Variants in NKAIN3 observed in about 807,000 individuals in gnomAD.
NKAIN3 encodes sodium/potassium transporting ATPase interacting 3.
NKAIN3 carries 25 observed loss-of-function variants against 30.2 expected under a neutral mutation model. The observed-to-expected ratio is 0.83, with a 90% CI of 0.60 to 1.16. The LOEUF (loss-of-function observed/expected upper bound fraction) is 1.16. Among genes scored for constraint, NKAIN3 ranks in the 50% most tolerant of loss-of-function variants. The pLI is 0.00. For missense variants in NKAIN3, 225 were observed against 254.1 expected (o/e 0.89, Z 0.78); for synonymous variants, 91 against 89.6 (o/e 1.02, Z -0.09).
intron 1 of NKAIN3, among the ~76,000 whole-genome samples, chr8:62,400,823 T>G (rs896717925): frequency 1.3e-5 from 2 of 152,160 alleles, no homozygotes; most frequent in African/African-American, 4.8e-5. Flanking sequence ...TTGTTTTATT[T>G]CTCTTGTCAC....
chr8:62,678,911 G>A (rs1289383202), intron 3 of NKAIN3, among the ~76,000 whole-genome samples: 1 of 152,014 alleles, frequency 6.6e-6, no homozygotes, highest in Non-Finnish European at 1.5e-5. Flanking sequence ...GAATAAGGCT[G>A]GAACACAAAC....
chr8:62,812,227 A>G (rs533118258), intron 4 of NKAIN3, among the ~76,000 whole-genome samples: 1 of 151,952 alleles, frequency 6.6e-6, no homozygotes, highest in African/African-American at 2.4e-5. Context: ...CCACACTCTC[A>G]TAACTACAAC....
intron 5 of NKAIN3, among the ~76,000 whole-genome samples, chr8:62,924,375 A>AT (rs1429650748): frequency 6.6e-6 from 1 of 152,180 alleles, no homozygotes; most frequent in East Asian, 1.9e-4. Flanking sequence ...CACAACTGTA[A>AT]TTTTTTAAAG....
intron 1 of NKAIN3, among the ~76,000 whole-genome samples, chr8:62,316,016 G>A (rs1814612401): frequency 6.6e-6 from 1 of 152,132 alleles, no homozygotes; most frequent in South Asian, 2.1e-4. Flanking sequence ...ATGAGAGTGA[G>A]TGAGTTTTCA....
rs562908504 is a variant in NKAIN3, at chr8:62,819,017, G to T, written c.471+71888G>T. Among the ~76,000 whole-genome samples the T allele has an allele frequency of 4.0e-5, 6 of 151,614 alleles. No individual in the cohort carries two copies. The South Asian group carries it at 1.3e-3, about 32-fold the overall frequency. The stretch of plus-strand genomic sequence containing the variant: ...AAAAGACATTCATGGTATAATCAAA[G>T]AAATTTGAAAACAAATTGGATGGAT... On this transcript the variant is annotated intron_variant, in intron 4 of 6. Coordinates refer to ENST00000623646, the MANE Select transcript of NKAIN3 (RefSeq NM_001304533.3).
At chr8:62,768,119 C>A (rs1279233070) in intron 4 of NKAIN3, among the ~76,000 whole-genome samples, 2 of 152,104 alleles carry the variant, frequency 1.3e-5, no homozygotes, top group African/African-American at 2.4e-5. Context: ...GCAGGCGCAT[C>A]CATCATTGGA....
intron 4 of NKAIN3, among the ~76,000 whole-genome samples, chr8:62,782,065 T>C (rs1326317213): frequency 2.0e-5 from 3 of 151,746 alleles, no homozygotes; most frequent in African/African-American, 7.3e-5. Context: ...ATCCAGAATA[T>C]ACAAGAACTC....
intron 1 of NKAIN3, among the ~76,000 whole-genome samples, chr8:62,447,307 TGTG>T (rs1036185916): frequency 2.7e-4 from 41 of 152,134 alleles, no homozygotes; most frequent in African/African-American, 9.1e-4. Flanking sequence ...CACTGGAAAT[TGTG>T]GTCAAATTTT....
intron 4 of NKAIN3, among the ~76,000 whole-genome samples, chr8:62,840,438 AC>A (rs1211080109): frequency 6.9e-6 from 1 of 144,468 alleles, no homozygotes; most frequent in Non-Finnish European, 1.5e-5. Flanking sequence ...AAAAAAAAAA[AC>A]AATCAGAGAG....
rs142842944 is a variant in NKAIN3 at position 62,669,419 on chromosome 8, A to G, written c.274-77513A>G. Among the ~76,000 whole-genome samples the G allele has an allele frequency of 8.3e-4, 126 of 152,264 alleles. 1 individual carries two copies. The highest frequency in any genetic ancestry group is 2.7e-3 in the African/African-American group (112 of 41,554). ...CATCTTCATGGCACATGGTCTCAGG[A>G]TCTCTTGAAACTGTGACCCAGGCCA... is the stretch of plus-strand genomic sequence containing the variant. On this transcript the variant is annotated intron_variant, in intron 3 of 6. Coordinates refer to ENST00000623646, the MANE Select transcript of NKAIN3 (RefSeq NM_001304533.3).
chr8:62,771,723 A>G (rs1202391003), intron 4 of NKAIN3, among the ~76,000 whole-genome samples: 2 of 152,154 alleles, frequency 1.3e-5, no homozygotes, highest in African/African-American at 4.8e-5. Context: ...ACTTCAATTC[A>G]CTATAGTTAA....
chr8:62,949,636 A>T (rs1010668047), intron 5 of NKAIN3, among the ~76,000 whole-genome samples: 2 of 152,128 alleles, frequency 1.3e-5, no homozygotes, highest in African/African-American at 4.8e-5. Flanking sequence ...TGATGGTAAC[A>T]CCTCAGGTTC....
chr8:62,677,300 C>T (rs532762596), intron 3 of NKAIN3, among the ~76,000 whole-genome samples: 32 of 152,178 alleles, frequency 2.1e-4, no homozygotes, highest in Non-Finnish European at 3.5e-4. Context: ...TACCTTGTGC[C>T]ATCCTCGGTG....
chr8:62,746,068 G>A (rs1816059626), intron 3 of NKAIN3, among the ~76,000 whole-genome samples: 1 of 152,152 alleles, frequency 6.6e-6, no homozygotes. Flanking sequence ...TGTTCTGAAG[G>A]CCAGAAGTCT....
chr8:62,617,218 T>C (rs1426243396), intron 3 of NKAIN3, among the ~76,000 whole-genome samples: 1 of 152,166 alleles, frequency 6.6e-6, no homozygotes, highest in African/African-American at 2.4e-5. Flanking sequence ...CAGTCTCAGA[T>C]ATTTCTTTAT....
chr8:62,682,132 C>T (rs1385965024), intron 3 of NKAIN3, among the ~76,000 whole-genome samples: 7 of 152,082 alleles, frequency 4.6e-5, no homozygotes, highest in South Asian at 2.1e-4. Flanking sequence ...CTCCTGGACC[C>T]GGAGAGACAG....
At chr8:62,858,865 A>G (rs539763291) in intron 4 of NKAIN3, among the ~76,000 whole-genome samples, 1 of 152,312 alleles carries the variant, frequency 6.6e-6, no homozygotes, top group East Asian at 1.9e-4. Flanking sequence ...AGTGGGACCC[A>G]CAGGCCAATG....
intron 5 of NKAIN3, among the ~76,000 whole-genome samples, chr8:62,949,535 C>T (rs1008862638): frequency 6.6e-6 from 1 of 152,126 alleles, no homozygotes; most frequent in Non-Finnish European, 1.5e-5. Flanking sequence ...CAAGAAGTTG[C>T]TCGGCTGTGC....
chr8:62,836,481 T>C (rs1282570752), intron 4 of NKAIN3, among the ~76,000 whole-genome samples: 5 of 152,124 alleles, frequency 3.3e-5, no homozygotes, highest in Non-Finnish European at 5.9e-5. Flanking sequence ...ATGTACTAAA[T>C]ATAATAGTAC....
Sources: gnomAD v4.1 joint callset for allele counts (sites outside exome capture counted in the v4.1 genomes callset) on GRCh38, gnomAD v4.1.1 for gene constraint, MANE v1.5 for transcripts, NCBI Gene and HGNC (gene_info 2026-07-23, HGNC 2026-07-21) for gene names.